CEP85L: variants seen among roughly 807,000 people sequenced by gnomAD.
CEP85L encodes centrosomal protein of 85 kDa-like.
CEP85L carries 60 observed loss-of-function variants against 100.3 expected under a neutral mutation model. The observed-to-expected ratio is 0.60, with a 90% CI of 0.49 to 0.74. The LOEUF (loss-of-function observed/expected upper bound fraction) is 0.74, where lower values mean the gene tolerates loss of function less well. Among genes scored for constraint, CEP85L ranks in the 30% least tolerant of loss-of-function variants. The pLI is 0.00. For synonymous variants in CEP85L, 319 were observed against 322.7 expected, an observed-to-expected ratio of 0.99 and a Z score of 0.12; for missense variants, 973 against 936.2, an observed-to-expected ratio of 1.04 and a Z score of -0.51.
At chr6:118,502,230 A>G in intron 5 of CEP85L, 1 of 653,342 alleles carries the variant, frequency 1.5e-6, no homozygotes, top group Non-Finnish European at 2.7e-6. Flanking sequence ...GTTCTTATGT[A>G]CCGCATTATG....
Position 118,566,450 on chromosome 6 carries a change from G to C in CEP85L, c.233-134C>G, listed in dbSNP as rs1231958859. 3 of 778,824 alleles carry C rather than the reference G, an allele frequency of 3.9e-6. No individual in the cohort carries two copies. In the African/African-American group the frequency reaches 5.3e-5, roughly 14 times the overall value. The allele number at this position is 778,824 out of a possible 1,614,324, so 48.2% of individuals were successfully genotyped here. A position where few individuals can be genotyped will look rare whatever the true frequency, so the allele number is the denominator to read the frequency against. ...CTTTTTTTTTTGAGACGTAGTTTTA[G>C]CTTGTTGCCTAGGCTGGAGTGCAGT... On this transcript the variant is annotated intron_variant, in intron 2 of 12. Transcript: ENST00000368491.
intron 1 of CEP85L, among the ~76,000 whole-genome samples, chr6:118,702,613 A>T (rs1002165068): frequency 5.3e-5 from 8 of 152,236 alleles, no homozygotes; most frequent in African/African-American, 1.9e-4. Flanking sequence ...AGACCTTTTG[A>T]TAAAACCTAC....
intron 3 of CEP85L, among the ~76,000 whole-genome samples, chr6:118,542,729 C>T (rs1777964692): frequency 6.6e-6 from 1 of 151,826 alleles, no homozygotes; most frequent in Non-Finnish European, 1.5e-5. Context: ...TTACACAAAA[C>T]TATGGAATGC....
At chr6:118,530,597 T>G (rs1227745351) in intron 3 of CEP85L, among the ~76,000 whole-genome samples, 2 of 152,170 alleles carry the variant, frequency 1.3e-5, no homozygotes, top group Non-Finnish European at 2.9e-5. Flanking sequence ...TTGCAGACTT[T>G]ATGATTCTAT....
At chr6:118,615,614 AC>A (rs1772983096) in intron 2 of CEP85L, among the ~76,000 whole-genome samples, 2 of 152,124 alleles carry the variant, frequency 1.3e-5, no homozygotes, top group Non-Finnish European at 1.5e-5. Flanking sequence ...GTCTTTCTTT[AC>A]CTGGGGGTTT....
intron 2 of CEP85L, among the ~76,000 whole-genome samples, chr6:118,576,473 C>T (rs969708094): frequency 6.6e-6 from 1 of 152,238 alleles, no homozygotes; most frequent in Non-Finnish European, 1.5e-5. Flanking sequence ...AACATTCAAA[C>T]GGGTTTGTCT....
At chr6:118,597,278 A>G (rs1288171297) in intron 2 of CEP85L, among the ~76,000 whole-genome samples, 1 of 152,248 alleles carries the variant, frequency 6.6e-6, no homozygotes, top group African/African-American at 2.4e-5. Flanking sequence ...TTATCTATGT[A>G]GAATAGCTTC....
intron 1 of CEP85L, among the ~76,000 whole-genome samples, chr6:118,676,298 A>G (rs903937768): frequency 7.9e-5 from 12 of 152,168 alleles, no homozygotes; most frequent in African/African-American, 2.9e-4. Flanking sequence ...AACTGAAACT[A>G]TGTACCCTTT....
chr6:118,707,975 G>C (rs1258816998), intron 1 of CEP85L, among the ~76,000 whole-genome samples: 1 of 150,676 alleles, frequency 6.6e-6, no homozygotes, highest in African/African-American at 2.4e-5. Context: ...TTTTTTGGGG[G>C]GGGGACGGGG....
chr6:118,552,097 T>C lies in CEP85L; in HGVS notation c.1020+13432A>G, dbSNP rs534769732. ...ATTCTAATCTTCTAAACCAATTAGATGGAAAAAACATCCTAGAGTATATCA... is the reference window on the plus strand; with the variant it reads ...ATTCTAATCTTCTAAACCAATTAGACGGAAAAAACATCCTAGAGTATATCA... On this transcript the variant is annotated intron_variant, in intron 3 of 12. Transcript: ENST00000368491. Among the ~76,000 whole-genome samples the C allele has an allele frequency of 4.6e-5, 7 of 152,128 alleles. No individual in the cohort carries two copies. The South Asian group carries it at 1.4e-3, about 32-fold the overall frequency.
At chr6:118,672,539 G>A (rs909673939) in intron 1 of CEP85L, among the ~76,000 whole-genome samples, 2 of 152,146 alleles carry the variant, frequency 1.3e-5, no homozygotes, top group Admixed American at 6.5e-5. Flanking sequence ...GGCTGAGACA[G>A]GTGGATCACT....
chr6:118,698,382 C>T (rs1367029034), intron 1 of CEP85L, among the ~76,000 whole-genome samples: 2 of 152,184 alleles, frequency 1.3e-5, no homozygotes, highest in African/African-American at 4.8e-5. Context: ...ATGTTATCTT[C>T]AGCATATCCC....
At chr6:118,692,631 A>C (rs1777080904) in intron 1 of CEP85L, among the ~76,000 whole-genome samples, 1 of 152,198 alleles carries the variant, frequency 6.6e-6, no homozygotes. Flanking sequence ...GTAAAGAAAA[A>C]GATTAACATC....
At chr6:118,651,895 G>C, upstream of CEP85L, 1 of 985,514 alleles carries the variant, frequency 1.0e-6, no homozygotes, top group Non-Finnish European at 1.2e-6. Flanking sequence ...CCCTCCCTCC[G>C]GGCACCTCTG....
intron 2 of CEP85L, 98 bp from the exon 3 acceptor site, chr6:118,566,414 C>CAA (rs1779510057): frequency 9.6e-7 from 1 of 1,039,596 alleles, no homozygotes; most frequent in Non-Finnish European, 1.4e-6. Flanking sequence ...AACATGGTTT[C>CAA]ATAGCACAAG....
chr6:118,540,730 C>A (rs1401415262), intron 3 of CEP85L, among the ~76,000 whole-genome samples: 1 of 151,658 alleles, frequency 6.6e-6, no homozygotes, highest in Non-Finnish European at 1.5e-5. Context: ...GCACTCCAGC[C>A]TGGCAACAGA....
At chr6:118,620,697 G>C (rs1028627369) in intron 2 of CEP85L, among the ~76,000 whole-genome samples, 1 of 152,092 alleles carries the variant, frequency 6.6e-6, no homozygotes, top group African/African-American at 2.4e-5. Context: ...TAAGAACCAG[G>C]AAATCGATTT....
chr6:118,527,009 T>A (rs1330716606), intron 3 of CEP85L, among the ~76,000 whole-genome samples: 3 of 100,064 alleles, frequency 3.0e-5, no homozygotes, highest in Non-Finnish European at 6.9e-5. Flanking sequence ...TTTCTTTTTT[T>A]TTTTTTTTTT....
intron 2 of CEP85L, among the ~76,000 whole-genome samples, chr6:118,600,303 GTGTGTGTGTGT>G (rs1781692876): frequency 0.015 from 514 of 33,982 alleles, 86 homozygotes; most frequent in South Asian, 0.022. Context: ...TCCTGGGGGT[GTGTGTGTGTGT>G]GTGTGTGTGT....
Sources: allele counts gnomAD v4.1 joint callset (sites outside exome capture counted in the v4.1 genomes callset), GRCh38; gene constraint gnomAD v4.1.1; transcripts MANE v1.5; gene names NCBI Gene and HGNC (gene_info 2026-07-23, HGNC 2026-07-21).